The following C4orf33 variants were observed in gnomAD, a reference collection of about 807,000 sequenced individuals.
C4orf33 encodes chromosome 4 open reading frame 33, also known as UPF0462 protein C4orf33.
C4orf33 carries 20 observed loss-of-function variants against 24.3 expected under a neutral mutation model. The ratio of observed to expected loss-of-function variants is 0.82; its 90% confidence interval spans 0.58 to 1.19. The LOEUF (loss-of-function observed/expected upper bound fraction) is 1.19. Among genes scored for constraint, C4orf33 ranks in the 50% most tolerant of loss-of-function variants. The pLI, the probability that C4orf33 is intolerant of heterozygous loss-of-function variation, is 0.00. For missense variants in C4orf33, 207 were observed against 225.9 expected, an observed-to-expected ratio of 0.92 and a Z score of 0.54; for synonymous variants, 67 against 76.4, an observed-to-expected ratio of 0.88 and a Z score of 0.64.
In C4orf33 at chr4:129,103,615, T is replaced by G. The variant is rs996729063; in HGVS notation, c.181+824T>G. ...TGATCTCCTTCTACTGTATCCTAAT[T>G]AAGCTATCAGATTCATCTTTCTGAA... On this transcript the variant is annotated intron_variant, in intron 2 of 5. Coordinates refer to ENST00000425929, the MANE Select transcript of C4orf33 (RefSeq NM_001099783.2). 4.6e-5 allele frequency among the ~76,000 whole-genome samples: 7 copies of G among 152,176 alleles called. 1 individual carries two copies. Among genetic ancestry groups the G allele is most frequent in the African/African-American group, 1.7e-4 (7 of 41,442 alleles).
chr4:129,116,064 GA>G lies in C4orf33; in HGVS notation c.*4275del, dbSNP rs1237739303. On this transcript the variant is annotated 3_prime_UTR_variant, in exon 6 of 6. Coordinates refer to ENST00000425929, the MANE Select transcript of C4orf33 (RefSeq NM_001099783.2). ...AGGAATAGTAAAAAGAGTTACCTCT[GA>G]AGCTAAGATGACACATGTATGAGGA... 2.6e-5 allele frequency: 4 copies of G among 151,654 alleles called. No homozygotes were observed. Among genetic ancestry groups the G allele is most frequent in the Admixed American group, 6.6e-5 (1 of 15,224 alleles). 9.4% of individuals were successfully genotyped at this position (151,654 alleles called of 1,614,324 possible). A position where few individuals can be genotyped will look rare whatever the true frequency, so the allele number is the denominator to read the frequency against.
In C4orf33 at chr4:129,107,227, C is replaced by T. The variant is rs531521478; in HGVS notation, c.242+580C>T. 9.8e-4 allele frequency among the ~76,000 whole-genome samples: 149 copies of T among 152,062 alleles called. No individual in the cohort carries two copies. In the Middle Eastern group the frequency reaches 0.024, roughly 24 times the overall value. Reference sequence around the variant, plus strand: ...AAAAACTAAACCACATATAGATTTTCTTAGACTCATTACAAATATTAACCT... The same window carrying T: ...AAAAACTAAACCACATATAGATTTTTTTAGACTCATTACAAATATTAACCT... On this transcript the variant is annotated intron_variant, in intron 3 of 5. Transcript: ENST00000425929.
Position 129,114,295 on chromosome 4 carries a change from G to A in C4orf33, c.*2504G>A, listed in dbSNP as rs1281907208. 3 of 152,192 alleles carry A rather than the reference G, an allele frequency of 2.0e-5. No homozygotes were observed. The highest frequency in any genetic ancestry group is 4.8e-5 in the African/African-American group (2 of 41,438). The allele number at this position is 152,192 out of a possible 1,614,324, so 9.4% of individuals were successfully genotyped here. A position where few individuals can be genotyped will look rare whatever the true frequency, so the allele number is the denominator to read the frequency against. ...TTGACCAAAGAGGGTGGGAGTTGAT[G>A]GATAACTACTTCTCTGTTACATCCC... On this transcript the variant is annotated 3_prime_UTR_variant, in exon 6 of 6. Transcript: ENST00000425929.
At chr4:129,100,647 G>C (rs1753325473) in intron 1 of C4orf33, 1 of 152,174 alleles carries the variant, frequency 6.6e-6, no homozygotes, top group Non-Finnish European at 1.5e-5. Flanking sequence ...TTAAGATAGG[G>C]ATCTCTTTAA....
chr4:129,094,019 T>C (rs992069368), upstream of C4orf33: 2 of 152,164 alleles, frequency 1.3e-5, no homozygotes, highest in African/African-American at 4.8e-5. Flanking sequence ...GATTTGGTCA[T>C]CTCAAGAAGG....
At chr4:129,106,675 A>T in intron 3 of C4orf33, 28 bp downstream of exon 3, 1 of 1,149,298 alleles carries the variant, frequency 8.7e-7, no homozygotes, top group South Asian at 1.4e-5. Context: ...TTTCTTACTT[A>T]TTACTACATA....
Position 129,115,879 on chromosome 4 carries a change from A to C in C4orf33, c.*4088A>C, listed in dbSNP as rs970666640. ...ATATATATATAGAGAGAGAGCATAA[A>C]ATGTGCTGTGTATGTGTGTAGCATA... is the stretch of plus-strand genomic sequence containing the variant. On this transcript the variant is annotated 3_prime_UTR_variant, in exon 6 of 6. Coordinates refer to ENST00000425929, the MANE Select transcript of C4orf33 (RefSeq NM_001099783.2). 6.1e-5 allele frequency: 9 copies of C among 148,196 alleles called. No individual in the cohort carries two copies. The highest frequency in any genetic ancestry group is 2.2e-4 in the African/African-American group (9 of 40,662). The allele number at this position is 148,196 out of a possible 1,614,324, so 9.2% of individuals were successfully genotyped here.
rs1554010297 is a variant in C4orf33, at chr4:129,115,819, T to TATAATATATATATGTTTATATATAAC, written c.*4031_*4032insATATATATATGTTTATATATAACATA. On this transcript the variant is annotated 3_prime_UTR_variant, in exon 6 of 6. Coordinates refer to ENST00000425929, the MANE Select transcript of C4orf33 (RefSeq NM_001099783.2). Reference sequence around the variant, plus strand: ...CTAACTAAATATATATATATATATATATATATATATAAAATATATATGTTT... The same window carrying TATAATATATATATGTTTATATATAAC: ...CTAACTAAATATATATATATATATATATAATATATATATGTTTATATATAACATATATATATAAAATATATATGTTT... 43 of 96,376 alleles carry TATAATATATATATGTTTATATATAAC rather than the reference T, an allele frequency of 4.5e-4. No homozygotes were observed. Among genetic ancestry groups the TATAATATATATATGTTTATATATAAC allele is most frequent in the Admixed American group, 1.1e-3 (10 of 9,500 alleles). The allele number at this position is 96,376 out of a possible 1,614,324, so 6.0% of individuals were successfully genotyped here.
At chr4:129,107,117 A>G (rs960883607) in intron 3 of C4orf33, among the ~76,000 whole-genome samples, 1 of 152,018 alleles carries the variant, frequency 6.6e-6, no homozygotes, top group African/African-American at 2.4e-5. Flanking sequence ...GTATTACATA[A>G]TTATGCATTC....
rs1048591147 is a variant in C4orf33, at chr4:129,115,401, T to G, written c.*3610T>G. The G allele has an allele frequency of 6.6e-6, 1 of 152,182 alleles. No homozygotes were observed. Among genetic ancestry groups the G allele is most frequent in the Non-Finnish European group, 1.5e-5 (1 of 68,032 alleles). 9.4% of individuals were successfully genotyped at this position (152,182 alleles called of 1,614,324 possible). A position where few individuals can be genotyped will look rare whatever the true frequency, so the allele number is the denominator to read the frequency against. On this transcript the variant is annotated 3_prime_UTR_variant, in exon 6 of 6. Transcript: ENST00000425929. ...GTGCTTTTCTGACACCTCAGTTATGTGGAACACCTGTGGGAATCTGCTAAT... is the reference window on the plus strand; with the variant it reads ...GTGCTTTTCTGACACCTCAGTTATGGGGAACACCTGTGGGAATCTGCTAAT...
chr4:129,100,430 G>A (rs1342740306), intron 1 of C4orf33, among the ~76,000 whole-genome samples: 1 of 151,806 alleles, frequency 6.6e-6, no homozygotes, highest in East Asian at 1.9e-4. Context: ...GTCCAGGGAA[G>A]CCAAAATATT....
Position 129,111,894 on chromosome 4 carries a change from C to A in C4orf33, c.*103C>A. 1 of 578,960 alleles carries A rather than the reference C, an allele frequency of 1.7e-6. No homozygotes were observed. The highest frequency in any genetic ancestry group is 2.8e-5 in the South Asian group (1 of 35,280). 35.9% of individuals were successfully genotyped at this position (578,960 alleles called of 1,614,324 possible). ...AGATGTCATGCATACATTTCAACAACAAATATCTTCATAGAAGTCACTGAA... is the reference window on the plus strand; with the variant it reads ...AGATGTCATGCATACATTTCAACAAAAAATATCTTCATAGAAGTCACTGAA... On this transcript the variant is annotated 3_prime_UTR_variant, in exon 6 of 6. Coordinates refer to ENST00000425929, the MANE Select transcript of C4orf33 (RefSeq NM_001099783.2).
In C4orf33 at chr4:129,113,189, G is replaced by C. The variant is rs1355418967; in HGVS notation, c.*1398G>C. The C allele has an allele frequency of 6.6e-6, 1 of 152,074 alleles. No homozygotes were observed. The highest frequency in any genetic ancestry group is 1.5e-5 in the Non-Finnish European group (1 of 67,986). 9.4% of individuals were successfully genotyped at this position (152,074 alleles called of 1,614,324 possible). On this transcript the variant is annotated 3_prime_UTR_variant, in exon 6 of 6. Coordinates refer to ENST00000425929, the MANE Select transcript of C4orf33 (RefSeq NM_001099783.2). Reference sequence around the variant, plus strand: ...TACAATCACAACAATATAAAATACTGAATTTGAATGTTGTAGCTTGTGAGC... The same window carrying C: ...TACAATCACAACAATATAAAATACTCAATTTGAATGTTGTAGCTTGTGAGC...
chr4:129,109,897 G>C (rs1029756341), intron 5 of C4orf33: 5 of 1,087,862 alleles, frequency 4.6e-6, no homozygotes, highest in African/African-American at 3.2e-5. Flanking sequence ...TTCCATAGTG[G>C]TATGAGAAAA....
chr4:129,098,920 A>G (rs1753277517), intron 1 of C4orf33, among the ~76,000 whole-genome samples: 1 of 152,068 alleles, frequency 6.6e-6, no homozygotes, highest in South Asian at 2.1e-4. Context: ...ATTATAATTA[A>G]TGTATAATGA....
At chr4:129,097,935 C>G (rs1433281912) in intron 1 of C4orf33, among the ~76,000 whole-genome samples, 1 of 152,148 alleles carries the variant, frequency 6.6e-6, no homozygotes, top group Non-Finnish European at 1.5e-5. Flanking sequence ...TGCATTTTCT[C>G]TCCGTGAACT....
chr4:129,103,997 A>G (rs933644009), intron 2 of C4orf33, among the ~76,000 whole-genome samples: 4 of 152,224 alleles, frequency 2.6e-5, no homozygotes, highest in African/African-American at 7.2e-5. Flanking sequence ...AATACACACT[A>G]ATGTGACTTA....
chr4:129,111,668 CT>C lies in C4orf33; in HGVS notation c.495-13del. ...CATAATTCATTTCAATTCCCACCTT[CT>C]TTTTCTTTGCTTTTAGCCATTGCCT... On this transcript the variant is annotated splice_polypyrimidine_tract_variant and intron_variant, in intron 5 of 5. Transcript: ENST00000425929. 1 of 1,478,886 alleles carries C rather than the reference CT, an allele frequency of 6.8e-7. No homozygotes were observed. Among genetic ancestry groups the C allele is most frequent in the Non-Finnish European group, 9.4e-7 (1 of 1,063,618 alleles). 91.6% of individuals were successfully genotyped at this position (1,478,886 alleles called of 1,614,324 possible).
chr4:129,103,900 C>T lies in C4orf33; in HGVS notation c.181+1109C>T, dbSNP rs570558167. ...GTCTAGTTTATGCCATTTGTAAGCA[C>T]ACATTTTGTCAGTGTTAATTTGTCA... On this transcript the variant is annotated intron_variant, in intron 2 of 5. Transcript: ENST00000425929. Among the ~76,000 whole-genome samples the T allele has an allele frequency of 1.6e-4, 25 of 152,290 alleles. No individual in the cohort carries two copies. The South Asian group carries it at 1.7e-3, about 10-fold the overall frequency.
Sources: allele counts gnomAD v4.1 joint callset (sites outside exome capture counted in the v4.1 genomes callset), GRCh38; gene constraint gnomAD v4.1.1; transcripts MANE v1.5; gene names NCBI Gene and HGNC (gene_info 2026-07-23, HGNC 2026-07-21).